RIT2: variants seen among roughly 807,000 people sequenced by gnomAD.
RIT2 encodes Ras like without CAAX 2.
In RIT2, 24 loss-of-function variants were observed where a neutral mutation model predicts 23.7. The observed-to-expected ratio is 1.01, with a 90% confidence interval of 0.73 to 1.43. The LOEUF (loss-of-function observed/expected upper bound fraction) is 1.43, where lower values mean the gene tolerates loss of function less well. RIT2 is among the 40% of genes most tolerant of loss of function. RIT2 has a pLI of 0.00. For missense variants in RIT2, 236 were observed against 266.9 expected (o/e 0.88, Z 0.81); for synonymous variants, 107 against 91.1 (o/e 1.17, Z -0.99).
chr18:42,749,140 A>C (rs1912986156), intron 4 of RIT2, among the ~76,000 whole-genome samples: 1 of 152,000 alleles, frequency 6.6e-6, no homozygotes, highest in Non-Finnish European at 1.5e-5. Context: ...AACATAGTCC[A>C]AAATAAATGA....
At chr18:42,971,779 T>C (rs1910366094) in intron 3 of RIT2, among the ~76,000 whole-genome samples, 1 of 152,014 alleles carries the variant, frequency 6.6e-6, no homozygotes, top group African/African-American at 2.4e-5. Context: ...AGCATTCCCT[T>C]TTCTTGAGAA....
chr18:42,805,954 C>T (rs899866654), intron 4 of RIT2, among the ~76,000 whole-genome samples: 4 of 151,748 alleles, frequency 2.6e-5, no homozygotes, highest in Admixed American at 1.3e-4. Context: ...TAGTGTTTTA[C>T]GAAAAAAGCC....
intron 4 of RIT2, among the ~76,000 whole-genome samples, chr18:42,769,744 T>C (rs2143912946): frequency 6.6e-6 from 1 of 151,724 alleles, no homozygotes; most frequent in South Asian, 2.1e-4. Context: ...GATGTCTTAC[T>C]TCCTAGCAGG....
At chr18:43,095,057 A>C (rs1913519789) in intron 1 of RIT2, among the ~76,000 whole-genome samples, 1 of 152,134 alleles carries the variant, frequency 6.6e-6, no homozygotes, top group African/African-American at 2.4e-5. Flanking sequence ...CATGATTTAC[A>C]ATCCTTTGGA....
intron 4 of RIT2, among the ~76,000 whole-genome samples, chr18:42,851,864 A>G (rs1907062545): frequency 6.6e-6 from 1 of 152,138 alleles, no homozygotes; most frequent in Non-Finnish European, 1.5e-5. Context: ...AAAATAAAAT[A>G]AAAGACAGGT....
In RIT2 at chr18:42,902,463, G is replaced by A. The variant is rs191876714; in HGVS notation, c.426+21109C>T. Among the ~76,000 whole-genome samples, 61 of 151,276 alleles carry A rather than the reference G, an allele frequency of 4.0e-4. No individual in the cohort carries two copies. In the East Asian group the frequency reaches 0.011, roughly 28 times the overall value. On this transcript the variant is annotated intron_variant, in intron 4 of 4. Transcript: ENST00000326695. The stretch of plus-strand genomic sequence containing the variant: ...GTTACTGAGGATGTTCTGTTTCTTG[G>A]GTATAATGTTTACAGATGTTCATTC...
intron 4 of RIT2, among the ~76,000 whole-genome samples, chr18:42,862,172 G>C (rs1907345322): frequency 6.6e-6 from 1 of 152,100 alleles, no homozygotes; most frequent in African/African-American, 2.4e-5. Flanking sequence ...GAGATGATTG[G>C]ATCATGGGGG....
intron 4 of RIT2, among the ~76,000 whole-genome samples, chr18:42,860,246 G>A (rs181971411): frequency 6.6e-6 from 1 of 152,278 alleles, no homozygotes; most frequent in East Asian, 1.9e-4. Flanking sequence ...TCTGGTGGCT[G>A]CTAGGCTACA....
rs1913555027 is a variant in RIT2 at position 42,771,684 on chromosome 18, G to A, written c.427-27964C>T. 2.6e-5 allele frequency among the ~76,000 whole-genome samples: 4 copies of A among 152,174 alleles called. No homozygotes were observed. The South Asian group carries it at 8.3e-4, about 32-fold the overall frequency. On this transcript the variant is annotated intron_variant, in intron 4 of 4. Coordinates refer to ENST00000326695, the MANE Select transcript of RIT2 (RefSeq NM_002930.4). Reference sequence around the variant, plus strand: ...GGGGAAGAAGTCACTAAACAATTTAGATTTTTTTCTAGTTTATTTTCCAGA... The same window carrying A: ...GGGGAAGAAGTCACTAAACAATTTAAATTTTTTTCTAGTTTATTTTCCAGA...
chr18:43,104,301 GT>G (rs1463130750), intron 1 of RIT2, among the ~76,000 whole-genome samples: 1 of 152,130 alleles, frequency 6.6e-6, no homozygotes, highest in Non-Finnish European at 1.5e-5. Context: ...GATGGGGAGA[GT>G]TTGGTTAACA....
chr18:42,969,005 C>A (rs777279192), intron 3 of RIT2, among the ~76,000 whole-genome samples: 2 of 152,112 alleles, frequency 1.3e-5, no homozygotes, highest in Non-Finnish European at 2.9e-5. Flanking sequence ...CCTTCCCATA[C>A]CTTTTGATTT....
intron 4 of RIT2, among the ~76,000 whole-genome samples, chr18:42,867,057 C>A (rs948428647): frequency 6.6e-6 from 1 of 152,164 alleles, no homozygotes; most frequent in Admixed American, 6.5e-5. Flanking sequence ...GTGAACTATT[C>A]TTTACTGTTC....
chr18:42,761,400 T>C (rs766017990), intron 4 of RIT2, among the ~76,000 whole-genome samples: 4 of 152,194 alleles, frequency 2.6e-5, no homozygotes, highest in Admixed American at 6.5e-5. Flanking sequence ...TGTCTATTAT[T>C]ACAAGTAACA....
At chr18:42,838,214 TC>T (rs2144019922) in intron 4 of RIT2, among the ~76,000 whole-genome samples, 1 of 152,310 alleles carries the variant, frequency 6.6e-6, no homozygotes, top group Admixed American at 6.5e-5. Context: ...TGTTTTTTTT[TC>T]TTTATATAAC....
chr18:42,970,841 C>A (rs578146176), intron 3 of RIT2, among the ~76,000 whole-genome samples: 2 of 151,914 alleles, frequency 1.3e-5, no homozygotes, highest in South Asian at 4.2e-4. Context: ...TTGGAAAGCT[C>A]CCACATCATG....
At chr18:42,821,224 T>C (rs1428046863) in intron 4 of RIT2, among the ~76,000 whole-genome samples, 3 of 152,096 alleles carry the variant, frequency 2.0e-5, no homozygotes, top group African/African-American at 7.2e-5. Context: ...AGACTTTATG[T>C]AACTAATGGG....
chr18:42,994,944 C>T (rs1426432563), intron 2 of RIT2, among the ~76,000 whole-genome samples: 3 of 152,110 alleles, frequency 2.0e-5, no homozygotes, highest in Non-Finnish European at 4.4e-5. Flanking sequence ...GACTTCAATC[C>T]GGCCTCCCAC....
intron 2 of RIT2, among the ~76,000 whole-genome samples, chr18:42,992,075 T>G (rs7242623): frequency 0.95 from 144,590 of 151,634 alleles, 69,304 homozygotes; most frequent in East Asian, 1. Flanking sequence ...AAGAACCCCC[T>G]AACTCCTTCC....
intron 4 of RIT2, among the ~76,000 whole-genome samples, chr18:42,778,077 C>T (rs1460725068): frequency 6.6e-6 from 1 of 152,078 alleles, no homozygotes; most frequent in African/African-American, 2.4e-5. Flanking sequence ...CTATTCAAAG[C>T]CCTCATGCTG....
Sources: allele counts gnomAD v4.1 joint callset (sites outside exome capture counted in the v4.1 genomes callset), GRCh38; gene constraint gnomAD v4.1.1; transcripts MANE v1.5; gene names NCBI Gene and HGNC (gene_info 2026-07-23, HGNC 2026-07-21).